Variants in RASA3 observed in about 807,000 individuals in gnomAD.
RASA3 encodes RAS p21 protein activator 3.
RASA3 carries 73 observed loss-of-function variants against 110.0 expected under a neutral mutation model. The observed-to-expected ratio is 0.66, with a 90% CI of 0.55 to 0.81. The LOEUF is 0.81. RASA3 is among the 30% of genes least tolerant of loss of function. RASA3 has a pLI of 0.00. For missense variants in RASA3, 976 were observed against 1,113.2 expected (o/e 0.88, Z 1.75); for synonymous variants, 500 against 451.4 (o/e 1.11, Z -1.37).
chr13:114,099,301 G>A (rs965001876), intron 1 of RASA3, among the ~76,000 whole-genome samples: 10 of 151,980 alleles, frequency 6.6e-5, no homozygotes, highest in African/African-American at 1.9e-4. Flanking sequence ...GGCCTGAGCC[G>A]GGGACGAAGC....
intron 1 of RASA3, among the ~76,000 whole-genome samples, 166 bp from the exon 2 acceptor site, chr13:114,074,003 A>T (rs950377428): frequency 1.3e-5 from 2 of 152,262 alleles, no homozygotes; most frequent in African/African-American, 4.8e-5. Context: ...CCCCATGTGT[A>T]CTGCCGAAAG....
At chr13:113,993,806 T>TAAAAAAAAAAA (rs35450759) in intron 21 of RASA3, among the ~76,000 whole-genome samples, 119 of 85,446 alleles carry the variant, frequency 1.4e-3, no homozygotes, top group Non-Finnish European at 1.9e-3. Context: ...AGACTCTGCC[T>TAAAAAAAAAAA]AAAAAAAAAA....
At chr13:114,093,718 T>A (rs965729538) in intron 1 of RASA3, among the ~76,000 whole-genome samples, 1 of 152,112 alleles carries the variant, frequency 6.6e-6, no homozygotes, top group Non-Finnish European at 1.5e-5. Context: ...GTCCCATAGA[T>A]CTTGTAAGCT....
intron 2 of RASA3, among the ~76,000 whole-genome samples, chr13:114,064,022 G>A (rs181534578): frequency 3.3e-5 from 5 of 152,186 alleles, no homozygotes; most frequent in Non-Finnish European, 5.9e-5. Flanking sequence ...TTAACCCTCC[G>A]GGAACTTCTG....
chr13:113,995,191 C>T (rs1018789231), intron 21 of RASA3, among the ~76,000 whole-genome samples: 1 of 152,204 alleles, frequency 6.6e-6, no homozygotes, highest in Non-Finnish European at 1.5e-5. Context: ...CCTGCACGGT[C>T]GGCTGCGGGT....
chr13:114,113,580 CCG>C (rs2080244183), intron 1 of RASA3, among the ~76,000 whole-genome samples: 1 of 151,628 alleles, frequency 6.6e-6, no homozygotes, highest in Non-Finnish European at 1.5e-5. Context: ...CGAGTGATGT[CCG>C]TACAGCTCAC....
At chr13:114,054,371 A>G (rs899724394) in intron 2 of RASA3, among the ~76,000 whole-genome samples, 1 of 152,212 alleles carries the variant, frequency 6.6e-6, no homozygotes, top group Admixed American at 6.5e-5. Context: ...GAAAATGCAA[A>G]TTAAACCAGG....
intron 3 of RASA3, among the ~76,000 whole-genome samples, chr13:114,045,180 GA>G (rs1314697789): frequency 6.6e-6 from 1 of 151,826 alleles, no homozygotes; most frequent in Non-Finnish European, 1.5e-5. Flanking sequence ...TGACCTGAGA[GA>G]ATGCCTGATC....
Position 113,978,949 on chromosome 13 carries a change from C to A in RASA3, c.*398G>T. 1 of 252,410 alleles carries A rather than the reference C, an allele frequency of 4.0e-6. No homozygotes were observed. 15.6% of individuals were successfully genotyped at this position (252,410 alleles called of 1,614,324 possible). A position where few individuals can be genotyped will look rare whatever the true frequency, so the allele number is the denominator to read the frequency against. ...CCCAGCGTCACACGCACCGTGCACG[C>A]AAGACAGACGTGCACGAGACTGACG... is the stretch of plus-strand genomic sequence containing the variant. On this transcript the variant is annotated 3_prime_UTR_variant, in exon 24 of 24. Transcript: ENST00000334062.
At chr13:114,024,825 G>A (rs920999143) in intron 7 of RASA3, among the ~76,000 whole-genome samples, 2 of 152,190 alleles carry the variant, frequency 1.3e-5, no homozygotes, top group Admixed American at 6.5e-5. Flanking sequence ...GGCCGGCCCC[G>A]AACAGGCCCC....
chr13:114,027,308 G>C, intron 7 of RASA3, 81 bp downstream of exon 7: 1 of 1,192,882 alleles, frequency 8.4e-7, no homozygotes, highest in East Asian at 2.4e-5. Flanking sequence ...AAGAGACTGA[G>C]ATCATTCTGG....
chr13:114,017,953 G>A (rs2053829986), intron 11 of RASA3, 151 bp downstream of exon 11: 3 of 905,038 alleles, frequency 3.3e-6, no homozygotes, highest in Non-Finnish European at 4.7e-6. Flanking sequence ...TCATTAACTG[G>A]GTCTGTGAAA....
chr13:113,996,886 GC>G (rs2053269517), intron 20 of RASA3, 147 bp from the exon 21 acceptor site: 2 of 705,506 alleles, frequency 2.8e-6, no homozygotes, highest in Non-Finnish European at 2.4e-6. Context: ...GGAGCTCTAA[GC>G]CCCAGAAGAG....
At chr13:114,060,484 A>G (rs2079319952) in intron 2 of RASA3, among the ~76,000 whole-genome samples, 1 of 152,242 alleles carries the variant, frequency 6.6e-6, no homozygotes. Flanking sequence ...TGCAGCGGTC[A>G]GCCCGAGAGG....
rs1389693909 is a variant in RASA3 at position 114,011,261 on chromosome 13, G to A, written c.1513-13C>T. 2 of 1,606,026 alleles carry A rather than the reference G, an allele frequency of 1.2e-6. No individual in the cohort carries two copies. Among genetic ancestry groups the A allele is most frequent in the East Asian group, 2.2e-5 (1 of 44,826 alleles). ...ACGTCTGGGGGTCCTGGGGAGGCGG[G>A]AGCAAGAAAGGTCTATGTCAGCATC... On this transcript the variant is annotated splice_polypyrimidine_tract_variant and intron_variant, in intron 15 of 23. Coordinates refer to ENST00000334062, the MANE Select transcript of RASA3 (RefSeq NM_007368.4). This position sits in a 1 kb window ranked among gnomAD's most constrained non-coding sequence, Gnocchi z 4.8.
chr13:114,070,441 G>T (rs1221619718), intron 2 of RASA3, among the ~76,000 whole-genome samples: 1 of 152,108 alleles, frequency 6.6e-6, no homozygotes, highest in East Asian at 1.9e-4. Flanking sequence ...ATGTAGCGTG[G>T]ATTCCAGCTG....
At chr13:114,076,142 T>C (rs1388300265) in intron 1 of RASA3, among the ~76,000 whole-genome samples, 1 of 152,182 alleles carries the variant, frequency 6.6e-6, no homozygotes, top group Non-Finnish European at 1.5e-5. Flanking sequence ...TCTCTGGGCC[T>C]CAAAGTCCTG....
chr13:114,116,995 C>CGTGTGTG (rs2080288901), intron 1 of RASA3, among the ~76,000 whole-genome samples: 3 of 108,782 alleles, frequency 2.8e-5, no homozygotes, highest in Admixed American at 1.1e-4. Flanking sequence ...GAGGGATGCA[C>CGTGTGTG]ATGTGTGAGG....
At chr13:114,124,115 G>A (rs1342899812) in intron 1 of RASA3, among the ~76,000 whole-genome samples, 7 of 152,308 alleles carry the variant, frequency 4.6e-5, no homozygotes, top group South Asian at 4.1e-4. Context: ...GCAGGTCAGC[G>A]CTGCAGCCGT....
Sources: gnomAD v4.1 joint callset for allele counts (sites outside exome capture counted in the v4.1 genomes callset) on GRCh38, gnomAD v4.1.1 for gene constraint, Gnocchi (gnomAD v3.1) non-coding constraint, MANE v1.5 for transcripts, NCBI Gene and HGNC (gene_info 2026-07-23, HGNC 2026-07-21) for gene names.